Variants in POU2F1 observed in about 807,000 individuals in gnomAD.
POU2F1 encodes the protein POU class 2 homeobox 1, also known as POU domain, class 2, transcription factor 1.
POU2F1 carries 16 observed loss-of-function variants against 84.9 expected under a neutral mutation model. The ratio of observed to expected loss-of-function variants is 0.19; its 90% confidence interval spans 0.13 to 0.29. POU2F1 has a LOEUF of 0.29. POU2F1 is among the 10% of genes least tolerant of loss of function. The pLI, the probability that POU2F1 is intolerant of heterozygous loss-of-function variation, is 1.00. For missense variants in POU2F1, 738 were observed against 942.6 expected (o/e 0.78, Z 2.84); for synonymous variants, 368 against 368.3 (o/e 1.00, Z 0.01).
chr1:167,423,201 C>G lies in POU2F1; in HGVS notation c.*7391C>G, dbSNP rs1557981906. 1 of 152,176 alleles carries G rather than the reference C, an allele frequency of 6.6e-6. No individual in the cohort carries two copies. Among genetic ancestry groups the G allele is most frequent in the African/African-American group, 2.4e-5 (1 of 41,440 alleles). 9.4% of individuals were successfully genotyped at this position (152,176 alleles called of 1,614,324 possible). A position where few individuals can be genotyped will look rare whatever the true frequency, so the allele number is the denominator to read the frequency against. On this transcript the variant is annotated 3_prime_UTR_variant, in exon 16 of 16. Transcript: ENST00000367866. ...GAAAACCAAAAGATCTTCCCTTACT[C>G]TCCTATAAATGTTTTGTTCCAAATG...
At chr1:167,354,475 A>G (rs1658805461) in intron 2 of POU2F1, among the ~76,000 whole-genome samples, 1 of 152,030 alleles carries the variant, frequency 6.6e-6, no homozygotes, top group Admixed American at 6.5e-5. Context: ...TATTTTTAGT[A>G]AAGACGGGGT....
chr1:167,264,749 T>C (rs908641021), intron 1 of POU2F1, among the ~76,000 whole-genome samples: 13 of 152,256 alleles, frequency 8.5e-5, no homozygotes, highest in Admixed American at 6.5e-4. Context: ...TTTAAAAAAA[T>C]TTATCATGGC....
intron 2 of POU2F1, among the ~76,000 whole-genome samples, chr1:167,359,157 A>G (rs1297658530): frequency 1.3e-5 from 2 of 151,074 alleles, no homozygotes; most frequent in Admixed American, 6.6e-5. Flanking sequence ...TAGCTTTCTC[A>G]TCCCTGGCTC....
chr1:167,348,352 T>G (rs1241387939), intron 2 of POU2F1, among the ~76,000 whole-genome samples: 3 of 152,178 alleles, frequency 2.0e-5, no homozygotes, highest in Non-Finnish European at 4.4e-5. Flanking sequence ...TGTCTAGCAG[T>G]GAAGTTGCTG....
rs74119502 is a variant in POU2F1, at chr1:167,415,826, G to A, written c.*16G>A. 51,004 of 1,602,146 alleles carry A rather than the reference G, an allele frequency of 0.032. 1,001 individuals are homozygous for A. Among genetic ancestry groups the A allele is most frequent in the Non-Finnish European group, 0.038 (44,380 of 1,173,426 alleles). ...GGCACAGTGAGCTGGGCAGAGCTGGGCTGCCAGAAGCCTTTTTCACTCTGC... is the reference window on the plus strand; with the variant it reads ...GGCACAGTGAGCTGGGCAGAGCTGGACTGCCAGAAGCCTTTTTCACTCTGC... On this transcript the variant is annotated 3_prime_UTR_variant, in exon 16 of 16. Transcript: ENST00000367866.
At chr1:167,292,184 C>T (rs575252209) in intron 1 of POU2F1, among the ~76,000 whole-genome samples, 2 of 151,846 alleles carry the variant, frequency 1.3e-5, no homozygotes, top group Admixed American at 6.6e-5. Flanking sequence ...TCTTTTTTGT[C>T]TCTATTATGA....
chr1:167,383,909 C>T lies in POU2F1; in HGVS notation c.771C>T (p.Ala257=). ...LLTQLPQQSQ[A]NLLQSQPSIT... is the part of the protein sequence containing the mutation. ...CGCAACTACCTCAGCAAAGCCAAGCCAACCTCCTACAGTCGCAGCCAAGCA... is the reference window on the plus strand; with the variant it reads ...CGCAACTACCTCAGCAAAGCCAAGCTAACCTCCTACAGTCGCAGCCAAGCA... The change falls in exon 8 of 16, where the codon GCC becomes GCT. Residue 257 remains alanine, a synonymous_variant. Coordinates refer to ENST00000367866, the MANE Select transcript of POU2F1 (RefSeq NM_002697.4). 6.2e-7 allele frequency: 1 copy of T among 1,613,868 alleles called. No homozygotes were observed. Among genetic ancestry groups the T allele is most frequent in the Non-Finnish European group, 8.5e-7 (1 of 1,179,862 alleles).
chr1:167,225,853 C>T (rs1648591512), intron 1 of POU2F1, among the ~76,000 whole-genome samples: 1 of 152,016 alleles, frequency 6.6e-6, no homozygotes, highest in South Asian at 2.1e-4. Context: ...TTTGAAACCC[C>T]ATAGTTGTAA....
chr1:167,281,849 C>A (rs1022071171), intron 1 of POU2F1, among the ~76,000 whole-genome samples: 2 of 152,198 alleles, frequency 1.3e-5, no homozygotes, highest in African/African-American at 4.8e-5. Context: ...CTTCTCTCAA[C>A]GGTGCATCAC....
intron 1 of POU2F1, among the ~76,000 whole-genome samples, chr1:167,311,329 T>C (rs1022230601): frequency 6.6e-6 from 1 of 152,130 alleles, no homozygotes; most frequent in African/African-American, 2.4e-5. Context: ...CAAGGCATAT[T>C]TTTCAGGTAG....
chr1:167,372,741 GT>G (rs1660089456), intron 5 of POU2F1, among the ~76,000 whole-genome samples: 1 of 152,142 alleles, frequency 6.6e-6, no homozygotes, highest in Non-Finnish European at 1.5e-5. Context: ...AAATTGGCCT[GT>G]TTGGCTATAT....
intron 1 of POU2F1, among the ~76,000 whole-genome samples, chr1:167,235,993 G>A (rs1649422267): frequency 6.6e-6 from 1 of 152,048 alleles, no homozygotes; most frequent in Non-Finnish European, 1.5e-5. Flanking sequence ...TTTATCTACA[G>A]TATTTAATAG....
chr1:167,307,470 A>T (rs1571268589), intron 1 of POU2F1, among the ~76,000 whole-genome samples: 1 of 13,070 alleles, frequency 7.7e-5, no homozygotes. Context: ...TAGGATAACC[A>T]AAAAAAAAAA....
intron 1 of POU2F1, among the ~76,000 whole-genome samples, chr1:167,278,313 A>G (rs528195328): frequency 1.3e-5 from 2 of 152,364 alleles, no homozygotes; most frequent in East Asian, 3.9e-4. Flanking sequence ...TCTTTTGCTT[A>G]TAGCATTTAT....
At chr1:167,243,467 TA>T (rs1288158528) in intron 1 of POU2F1, among the ~76,000 whole-genome samples, 2 of 152,222 alleles carry the variant, frequency 1.3e-5, no homozygotes, top group African/African-American at 2.4e-5. Context: ...GGTATAAATT[TA>T]TTTTTTTAAT....
intron 6 of POU2F1, among the ~76,000 whole-genome samples, 157 bp downstream of exon 6, chr1:167,374,453 A>T (rs578151745): frequency 6.6e-6 from 1 of 152,346 alleles, no homozygotes; most frequent in Admixed American, 6.5e-5. Flanking sequence ...TTACCACTGA[A>T]TTAGAAATAA....
intron 1 of POU2F1, among the ~76,000 whole-genome samples, chr1:167,274,811 C>T (rs189847218): frequency 6.6e-6 from 1 of 152,040 alleles, no homozygotes; most frequent in Non-Finnish European, 1.5e-5. Flanking sequence ...CCAGTTCTTG[C>T]GAAAATGCTT....
intron 10 of POU2F1, among the ~76,000 whole-genome samples, chr1:167,397,771 C>G (rs1183121898): frequency 6.6e-6 from 1 of 152,176 alleles, no homozygotes; most frequent in Admixed American, 6.5e-5. Context: ...TCTTGAACTC[C>G]TGACCTCAAG....
At chr1:167,326,406 AT>A in intron 1 of POU2F1, among the ~76,000 whole-genome samples, 1 of 151,290 alleles carries the variant, frequency 6.6e-6, no homozygotes, top group Non-Finnish European at 1.5e-5. Flanking sequence ...AAAAGCTGTC[AT>A]TTTCTTCTTT....
Sources: gnomAD v4.1 joint callset for allele counts (sites outside exome capture counted in the v4.1 genomes callset) on GRCh38, gnomAD v4.1.1 for gene constraint, MANE v1.5 for transcripts, NCBI Gene and HGNC (gene_info 2026-07-23, HGNC 2026-07-21) for gene names.